SUSD5: variants seen among roughly 807,000 people sequenced by gnomAD.
SUSD5 encodes sushi domain-containing protein 5.
SUSD5 carries 33 observed loss-of-function variants against 29.5 expected under a neutral mutation model. That is an observed-to-expected ratio of 1.12 (90% CI 0.85 to 1.49). SUSD5 has a LOEUF of 1.49. SUSD5 is among the 40% of genes most tolerant of loss of function. The pLI is 0.00. For missense variants in SUSD5, 776 were observed against 800.6 expected, an observed-to-expected ratio of 0.97 and a Z score of 0.37; for synonymous variants, 308 against 325.3, an observed-to-expected ratio of 0.95 and a Z score of 0.57.
rs2030945896 is a variant in SUSD5 at position 33,152,989 on chromosome 3, C to A, written c.1643G>T (p.Gly548Val). The A allele has an allele frequency of 1.2e-6, 2 of 1,613,726 alleles. No homozygotes were observed. The highest frequency in any genetic ancestry group is 1.7e-6 in the Non-Finnish European group (2 of 1,179,822). ...SEDFFGQEGPGPGASEELHPT... is the reference protein window; with the variant it reads ...SEDFFGQEGPVPGASEELHPT... ...ATGAAGCTCCTCACTTGCACCTGGC[C>A]CGGGGCCTTCCTGTCCAAAGAAGTC... Residue 548 changes from glycine to valine, a missense_variant, in exon 5 of 5, where the codon GGG (glycine) becomes GTG (valine). Gly to Val is a moderately radical substitution (Grantham distance 109). Coordinates refer to ENST00000309558, the MANE Select transcript of SUSD5 (RefSeq NM_015551.2).
At position 33,153,790 on chromosome 3, in the gene SUSD5, G is replaced by A. The variant is rs200820445; in HGVS notation, c.842C>T (p.Ala281Val). The A allele has an allele frequency of 4.6e-5, 74 of 1,614,040 alleles. 1 individual carries two copies. Among genetic ancestry groups the A allele is most frequent in the African/African-American group, 1.5e-4 (11 of 75,068 alleles). Residue 281 changes from alanine (A) to valine (V), a missense_variant, in exon 5 of 5, where the codon GCA becomes GTA. Physicochemically the swap from Ala to Val is moderately conservative, Grantham distance 64. Coordinates refer to ENST00000309558, the MANE Select transcript of SUSD5 (RefSeq NM_015551.2). ...GAGCAGCCGTGATCCTGGTGAATCT[G>A]CGGGGACACTGCTCCCAGCACCAGG... ...GLPGAGSSVP[A>V]DSPGSRLLQK...
At chr3:33,214,195 A>C (rs1256266925) in intron 1 of SUSD5, 90 bp from the exon 2 acceptor site, 10 of 1,319,082 alleles carry the variant, frequency 7.6e-6, no homozygotes, top group Non-Finnish European at 1.0e-5. Flanking sequence ...GCCAGTTAGA[A>C]CTGTAGTCCT....
At chr3:33,203,080 C>T (rs934195661) in intron 3 of SUSD5, among the ~76,000 whole-genome samples, 1 of 152,236 alleles carries the variant, frequency 6.6e-6, no homozygotes, top group Non-Finnish European at 1.5e-5. Context: ...GCGGGAACCT[C>T]ACAGCACAGC....
Position 33,200,941 on chromosome 3 carries a change from C to A in SUSD5, c.409+6867G>T, listed in dbSNP as rs535361446. 1.6e-4 allele frequency among the ~76,000 whole-genome samples: 25 copies of A among 152,096 alleles called. 2 individuals carry two copies. The South Asian group carries it at 5.0e-3, about 30-fold the overall frequency. ...GGCCTGGCTCCTTTATTGTTGCTTACAGTAAAATTTGAGAAGAAATAAATG... is the reference window on the plus strand; with the variant it reads ...GGCCTGGCTCCTTTATTGTTGCTTAAAGTAAAATTTGAGAAGAAATAAATG... On this transcript the variant is annotated intron_variant, in intron 3 of 4. Coordinates refer to ENST00000309558, the MANE Select transcript of SUSD5 (RefSeq NM_015551.2).
At chr3:33,214,685 T>C (rs1473438880) in intron 1 of SUSD5, among the ~76,000 whole-genome samples, 1 of 152,104 alleles carries the variant, frequency 6.6e-6, no homozygotes, top group African/African-American at 2.4e-5. Context: ...AGCACATTAA[T>C]ATATGGACAT....
intron 4 of SUSD5, among the ~76,000 whole-genome samples, chr3:33,161,481 GA>G (rs1412822333): frequency 4.0e-5 from 6 of 148,428 alleles, no homozygotes; most frequent in Non-Finnish European, 8.9e-5. Flanking sequence ...GGACAAATAG[GA>G]AAGAGAGAAA....
intron 3 of SUSD5, 86 bp from the exon 4 acceptor site, chr3:33,175,160 C>T (rs1005326344): frequency 1.0e-5 from 14 of 1,400,296 alleles, no homozygotes; most frequent in African/African-American, 1.4e-5. Flanking sequence ...ACACAACTCT[C>T]CCCTGCCGCC....
intron 4 of SUSD5, among the ~76,000 whole-genome samples, chr3:33,157,560 A>G (rs4277636): frequency 5.9e-4 from 90 of 152,326 alleles, no homozygotes; most frequent in African/African-American, 2.1e-3. Context: ...TAATGGCCAC[A>G]AATCTCCACT....
At chr3:33,212,917 A>T (rs1477368064) in intron 2 of SUSD5, among the ~76,000 whole-genome samples, 1 of 152,220 alleles carries the variant, frequency 6.6e-6, no homozygotes, top group Non-Finnish European at 1.5e-5. Flanking sequence ...GCCATATTTT[A>T]AAACCTCCAT....
At chr3:33,159,739 A>G (rs1377967241) in intron 4 of SUSD5, among the ~76,000 whole-genome samples, 1 of 152,070 alleles carries the variant, frequency 6.6e-6, no homozygotes, top group Non-Finnish European at 1.5e-5. Context: ...ACAAACATAA[A>G]ACTGGGCTTA....
At chr3:33,200,480 C>A (rs2032095202) in intron 3 of SUSD5, among the ~76,000 whole-genome samples, 1 of 152,028 alleles carries the variant, frequency 6.6e-6, no homozygotes, top group Admixed American at 6.6e-5. Flanking sequence ...CTGCAGTGCA[C>A]CACATCTCTT....
At position 33,209,644 on chromosome 3, in the gene SUSD5, CTTCT is replaced by C. The variant is rs766405762; in HGVS notation, c.291-1722_291-1719del. On this transcript the variant is annotated intron_variant, in intron 2 of 4. Coordinates refer to ENST00000309558, the MANE Select transcript of SUSD5 (RefSeq NM_015551.2). ...CCTTCCTTTTCTTTTCTTTCTCTCT[CTTCT>C]TTCTTTCTTTTCTTTTTTTTTCTTT... Among the ~76,000 whole-genome samples the C allele has an allele frequency of 1.9e-3, 273 of 143,962 alleles. 2 individuals carry two copies. The highest frequency in any genetic ancestry group is 6.2e-3 in the African/African-American group (242 of 38,954). The allele number at this position is 143,962 out of a possible 152,430, so 94.4% of individuals were successfully genotyped here. A position where few individuals can be genotyped will look rare whatever the true frequency, so the allele number is the denominator to read the frequency against.
intron 3 of SUSD5, among the ~76,000 whole-genome samples, chr3:33,193,190 GA>G (rs140628072): frequency 1.3e-3 from 191 of 152,274 alleles, no homozygotes; most frequent in African/African-American, 4.6e-3. Flanking sequence ...TCGTCCAGAG[GA>G]AAACAAGGAA....
chr3:33,161,803 T>C (rs1168480928), intron 4 of SUSD5, among the ~76,000 whole-genome samples: 2 of 152,140 alleles, frequency 1.3e-5, no homozygotes, highest in Non-Finnish European at 2.9e-5. Context: ...TTTAAAATTG[T>C]ATGTACTTAA....
Position 33,152,883 on chromosome 3 carries a change from C to G in SUSD5, c.1749G>C (p.Leu583=). ...GPVIATIVTV[L]CLLLLLAGVG... is the part of the protein sequence containing the mutation. The stretch of plus-strand genomic sequence containing the variant: ...CACCTGCCAGGAGCAGCAGTAGGCA[C>G]AGGACGGTGACAATGGTGGCGATCA... Residue 583 remains leucine (L), a synonymous_variant, in exon 5 of 5, where the codon CTG becomes CTC. Transcript: ENST00000309558. 5.0e-6 allele frequency: 8 copies of G among 1,614,018 alleles called. No homozygotes were observed. The highest frequency in any genetic ancestry group is 6.8e-6 in the Non-Finnish European group (8 of 1,179,894).
Position 33,153,112 on chromosome 3 carries a change from G to A in SUSD5, c.1520C>T (p.Pro507Leu), listed in dbSNP as rs2030951637. The A allele has an allele frequency of 1.9e-6, 3 of 1,613,818 alleles. No homozygotes were observed. The change falls in exon 5 of 5, where the codon CCT (proline) becomes CTT (leucine). Residue 507 changes from proline to leucine, a missense_variant. Coordinates refer to ENST00000309558, the MANE Select transcript of SUSD5 (RefSeq NM_015551.2). ...CATGATCGTTGAGGGGATGTGGTTA[G>A]GTGTCTGCTTGACAGTGTTCACTGT... ...ILTVNTVKQT[P>L]NHIPSTIMAT...
At chr3:33,156,537 A>G (rs1379199137) in intron 4 of SUSD5, among the ~76,000 whole-genome samples, 1 of 152,220 alleles carries the variant, frequency 6.6e-6, no homozygotes, top group Non-Finnish European at 1.5e-5. Flanking sequence ...CTCAGAAGAC[A>G]GCAGCAGCCC....
intron 4 of SUSD5, among the ~76,000 whole-genome samples, chr3:33,173,591 G>A (rs1198214571): frequency 6.6e-6 from 1 of 152,188 alleles, no homozygotes; most frequent in East Asian, 1.9e-4. Context: ...GAATCTCACA[G>A]GTGTGACAGC....
At chr3:33,175,252 G>A (rs1415117496) in intron 3 of SUSD5, among the ~76,000 whole-genome samples, 178 bp from the exon 4 acceptor site, 1 of 152,192 alleles carries the variant, frequency 6.6e-6, no homozygotes, top group East Asian at 1.9e-4. Flanking sequence ...ACCTGGAATA[G>A]AAGAGGCACT....
Sources: allele counts gnomAD v4.1 joint callset (sites outside exome capture counted in the v4.1 genomes callset), GRCh38; gene constraint gnomAD v4.1.1; transcripts MANE v1.5; gene names NCBI Gene and HGNC (gene_info 2026-07-23, HGNC 2026-07-21).